Variants in RFX3 observed in about 807,000 individuals in gnomAD.
RFX3 encodes the protein regulatory factor X3, also known as transcription factor RFX3.
Under a neutral mutation model 98.6 loss-of-function variants are expected in RFX3, and 14 were observed. That is an observed-to-expected ratio of 0.14 (90% CI 0.09 to 0.22). The LOEUF (loss-of-function observed/expected upper bound fraction) is 0.22. Among genes scored for constraint, RFX3 ranks in the 10% least tolerant of loss-of-function variants. RFX3 has a pLI of 1.00. For missense variants in RFX3, 639 were observed against 926.9 expected (o/e 0.69, Z 4.03); for synonymous variants, 383 against 328.4 (o/e 1.17, Z -1.80).
chr9:3,516,085 G>A (rs1201329531), intron 1 of RFX3, among the ~76,000 whole-genome samples: 1 of 151,610 alleles, frequency 6.6e-6, no homozygotes, highest in East Asian at 1.9e-4. Flanking sequence ...GTCTTGCTCT[G>A]TTGCCCAGAC....
intron 1 of RFX3, among the ~76,000 whole-genome samples, chr9:3,396,923 T>C (rs1376003867): frequency 3.9e-5 from 6 of 152,218 alleles, no homozygotes; most frequent in Non-Finnish European, 2.9e-5. Context: ...AGCCAACTGA[T>C]ATGCCCTAAA....
chr9:3,319,711 G>C (rs1305070975), intron 4 of RFX3, among the ~76,000 whole-genome samples: 2 of 152,124 alleles, frequency 1.3e-5, no homozygotes, highest in East Asian at 3.8e-4. Flanking sequence ...TTGTGAATTT[G>C]TATTTTTGCC....
intron 2 of RFX3, among the ~76,000 whole-genome samples, chr9:3,387,893 A>T (rs1839895600): frequency 6.6e-6 from 1 of 152,146 alleles, no homozygotes; most frequent in Admixed American, 6.6e-5. Flanking sequence ...TTGACCCTGA[A>T]CAGAAAAGAA....
At chr9:3,295,120 T>C (rs1206603629) in intron 5 of RFX3, among the ~76,000 whole-genome samples, 1 of 152,068 alleles carries the variant, frequency 6.6e-6, no homozygotes, top group African/African-American at 2.4e-5. Flanking sequence ...TCATTTAGTA[T>C]AAAAGAGATA....
chr9:3,488,808 C>G, intron 1 of RFX3: 2 of 985,252 alleles, frequency 2.0e-6, no homozygotes, highest in South Asian at 9.4e-5. Flanking sequence ...GAGGTTACAG[C>G]TTCAGCTTAT....
At chr9:3,335,266 T>C (rs1424859332) in intron 3 of RFX3, among the ~76,000 whole-genome samples, 1 of 152,116 alleles carries the variant, frequency 6.6e-6, no homozygotes, top group Non-Finnish European at 1.5e-5. Flanking sequence ...AAAGGTTTTT[T>C]CCATGTCTAA....
intron 13 of RFX3, among the ~76,000 whole-genome samples, chr9:3,259,871 C>T (rs758520442): frequency 2.6e-5 from 4 of 152,018 alleles, no homozygotes; most frequent in Non-Finnish European, 5.9e-5. Context: ...AATATTGACA[C>T]ACATGTAATT....
At chr9:3,240,928 T>C (rs374792749) in intron 15 of RFX3, among the ~76,000 whole-genome samples, 14 of 152,322 alleles carry the variant, frequency 9.2e-5, no homozygotes, top group East Asian at 5.8e-4. Flanking sequence ...TCTGCCCAAA[T>C]AGCTGCAGTG....
intron 1 of RFX3, among the ~76,000 whole-genome samples, chr9:3,403,031 CAT>C (rs1359567894): frequency 2.6e-5 from 4 of 151,956 alleles, no homozygotes; most frequent in Non-Finnish European, 5.9e-5. Context: ...GTATTTTAAA[CAT>C]ATGTTTAGTC....
Position 3,375,404 on chromosome 9 carries a change from C to T in RFX3, c.117+20068G>A, listed in dbSNP as rs141481586. The stretch of plus-strand genomic sequence containing the variant: ...ATCTAACTCTGTCCATGGCATGCTG[C>T]GGCCACATTTAAATTTATTCAAACT... On this transcript the variant is annotated intron_variant, in intron 2 of 16. Transcript: ENST00000617270. Among the ~76,000 whole-genome samples, 123 of 152,200 alleles carry T rather than the reference C, an allele frequency of 8.1e-4. 3 individuals carry two copies. In the East Asian group the frequency reaches 0.013, roughly 16 times the overall value.
At chr9:3,415,085 T>G (rs1218201677) in intron 1 of RFX3, among the ~76,000 whole-genome samples, 1 of 87,678 alleles carries the variant, frequency 1.1e-5, no homozygotes, top group Non-Finnish European at 1.9e-5. Context: ...TATATATTCT[T>G]ATATATATAC....
intron 3 of RFX3, among the ~76,000 whole-genome samples, chr9:3,339,591 A>G (rs369982865): frequency 7.3e-4 from 111 of 152,310 alleles, no homozygotes; most frequent in African/African-American, 2.4e-3. Context: ...TCTTTAATTC[A>G]TTCAACAAAT....
chr9:3,332,554 T>A (rs1488209598), intron 3 of RFX3, among the ~76,000 whole-genome samples: 1 of 152,188 alleles, frequency 6.6e-6, no homozygotes, highest in Non-Finnish European at 1.5e-5. Flanking sequence ...GCTCTTGCAA[T>A]CTATCTCCAA....
intron 1 of RFX3, among the ~76,000 whole-genome samples, chr9:3,472,838 T>G (rs1216987665): frequency 1.3e-5 from 2 of 152,224 alleles, no homozygotes; most frequent in Non-Finnish European, 2.9e-5. Flanking sequence ...CTGATGTTCC[T>G]ATGCAATAGT....
intron 15 of RFX3, among the ~76,000 whole-genome samples, chr9:3,234,856 A>C (rs1776169074): frequency 6.6e-6 from 1 of 152,222 alleles, no homozygotes; most frequent in African/African-American, 2.4e-5. Context: ...AAGGTATATA[A>C]GGACTTGGGT....
At chr9:3,499,623 G>C (rs181375967) in intron 1 of RFX3, among the ~76,000 whole-genome samples, 1 of 152,048 alleles carries the variant, frequency 6.6e-6, no homozygotes, top group Non-Finnish European at 1.5e-5. Flanking sequence ...ATTTTGAAAA[G>C]TGGGTAGACA....
intron 2 of RFX3, chr9:3,394,685 G>A (rs932467032): frequency 6.7e-5 from 18 of 270,554 alleles, no homozygotes; most frequent in Admixed American, 5.9e-4. Context: ...TAAGAGCAAC[G>A]TTTGCTAAAG....
At chr9:3,244,088 A>T (rs190490224) in intron 15 of RFX3, among the ~76,000 whole-genome samples, 2 of 149,062 alleles carry the variant, frequency 1.3e-5, no homozygotes, top group Admixed American at 1.4e-4. Flanking sequence ...TGCAACCTCC[A>T]CCTCCTGGGT....
rs570441199 is a variant in RFX3 at position 3,286,392 on chromosome 9, A to G, written c.851+1739T>C. ...TTTTTCACTGGCTACACATCAAAAA[A>G]TAAGAATCAGCAATAAAAAAATAAG... On this transcript the variant is annotated intron_variant, in intron 7 of 16. Coordinates refer to ENST00000617270, the MANE Select transcript of RFX3 (RefSeq NM_001282116.2). Among the ~76,000 whole-genome samples the G allele has an allele frequency of 4.3e-4, 65 of 151,998 alleles. 1 individual carries two copies. Among genetic ancestry groups the G allele is most frequent in the African/African-American group, 1.5e-3 (63 of 41,552 alleles).
Sources: allele counts gnomAD v4.1 joint callset (sites outside exome capture counted in the v4.1 genomes callset), GRCh38; gene constraint gnomAD v4.1.1; transcripts MANE v1.5; gene names NCBI Gene and HGNC (gene_info 2026-07-23, HGNC 2026-07-21).